Variants in MARCHF1 observed in about 807,000 individuals in gnomAD.
MARCHF1 encodes the protein membrane associated ring-CH-type finger 1, also known as E3 ubiquitin-protein ligase MARCHF1.
Under a neutral mutation model 54.2 loss-of-function variants are expected in MARCHF1, and 40 were observed. The observed-to-expected ratio is 0.74, with a 90% CI of 0.57 to 0.96. MARCHF1 has a LOEUF of 0.96. Ranked by LOEUF, MARCHF1 falls within the 40% of genes least tolerant of loss-of-function variation. The probability of loss-of-function intolerance (pLI) is 0.00; values close to 1 mark genes in which losing one functional copy is unlikely to be tolerated. For missense variants in MARCHF1, 586 were observed against 656.5 expected (o/e 0.89, Z 1.17); for synonymous variants, 236 against 236.3 (o/e 1.00, Z 0.01).
chr4:163,678,376 T>G (rs1269795595), intron 5 of MARCHF1, among the ~76,000 whole-genome samples: 1 of 152,238 alleles, frequency 6.6e-6, no homozygotes, highest in Non-Finnish European at 1.5e-5. Flanking sequence ...TAGCTTCCAT[T>G]TCATTAGAGG....
chr4:163,611,609 T>TTGAAAATATA (rs1260113784), intron 7 of MARCHF1, among the ~76,000 whole-genome samples: 1 of 152,106 alleles, frequency 6.6e-6, no homozygotes, highest in African/African-American at 2.4e-5. Flanking sequence ...TAAGGTTATT[T>TTGAAAATATA]TGAAAATATA....
intron 4 of MARCHF1, among the ~76,000 whole-genome samples, chr4:163,763,052 T>C (rs973097263): frequency 2.0e-5 from 3 of 152,124 alleles, no homozygotes; most frequent in Non-Finnish European, 4.4e-5. Flanking sequence ...TTACTTTTTA[T>C]ACGTGTAGTA....
At chr4:163,755,269 T>C (rs1295575552) in intron 4 of MARCHF1, among the ~76,000 whole-genome samples, 1 of 152,182 alleles carries the variant, frequency 6.6e-6, no homozygotes, top group African/African-American at 2.4e-5. Context: ...ACAGGGAGAT[T>C]GCTGCCCCCT....
chr4:163,968,860 G>T (rs767104424), intron 3 of MARCHF1, among the ~76,000 whole-genome samples: 3 of 152,094 alleles, frequency 2.0e-5, no homozygotes, highest in Admixed American at 6.6e-5. Context: ...CTCAGAAATT[G>T]TTTATCCAAA....
intron 8 of MARCHF1, among the ~76,000 whole-genome samples, chr4:163,580,722 A>G (rs1057416918): frequency 6.6e-6 from 1 of 152,198 alleles, no homozygotes; most frequent in South Asian, 2.1e-4. Context: ...AAGAAAGAAG[A>G]CTTCAGAAAA....
chr4:164,234,285 CTT>C (rs1457953322), intron 1 of MARCHF1, among the ~76,000 whole-genome samples: 3 of 152,072 alleles, frequency 2.0e-5, no homozygotes, highest in African/African-American at 7.2e-5. Flanking sequence ...GGCTTATAGA[CTT>C]ATGTATGATA....
chr4:163,940,696 A>G (rs913718121), intron 3 of MARCHF1, among the ~76,000 whole-genome samples: 6 of 152,150 alleles, frequency 3.9e-5, no homozygotes, highest in African/African-American at 1.4e-4. Flanking sequence ...TAGTAAAATT[A>G]TAAACTAAAT....
chr4:164,224,143 C>G lies in MARCHF1; in HGVS notation c.-322-112481G>C, dbSNP rs781374476. 4.0e-5 allele frequency among the ~76,000 whole-genome samples: 6 copies of G among 151,348 alleles called. No homozygotes were observed. The East Asian group carries it at 1.2e-3, about 29-fold the overall frequency. ...CTTTGAATGAGGTCCAACACAAATT[C>G]GTATTAGGCCGCATTCATATTTTAC... On this transcript the variant is annotated intron_variant, in intron 1 of 9. Coordinates refer to ENST00000514618, the MANE Select transcript of MARCHF1 (RefSeq NM_001394959.1).
chr4:164,247,944 G>T (rs1560972991), intron 1 of MARCHF1, among the ~76,000 whole-genome samples: 1 of 151,228 alleles, frequency 6.6e-6, no homozygotes, highest in Non-Finnish European at 1.5e-5. Flanking sequence ...GGGAATGTGA[G>T]ATGTTTTTAC....
intron 4 of MARCHF1, among the ~76,000 whole-genome samples, chr4:163,720,809 T>C (rs576567763): frequency 3.7e-4 from 56 of 152,322 alleles, no homozygotes; most frequent in African/African-American, 1.3e-3. Flanking sequence ...GGGAGTTCAC[T>C]CATGATTTGG....
chr4:164,035,784 A>C (rs565067228), intron 2 of MARCHF1, among the ~76,000 whole-genome samples: 2 of 152,002 alleles, frequency 1.3e-5, no homozygotes, highest in South Asian at 4.2e-4. Context: ...AACCAGATCT[A>C]ATTAATAGTA....
intron 8 of MARCHF1, among the ~76,000 whole-genome samples, chr4:163,550,281 CAAAA>C (rs60320461): frequency 7.6e-5 from 8 of 105,106 alleles, no homozygotes; most frequent in South Asian, 3.2e-4. Flanking sequence ...GACTCCGTCT[CAAAA>C]AAAAAAAAAA....
At chr4:164,280,280 T>C (rs947856102) in intron 1 of MARCHF1, among the ~76,000 whole-genome samples, 1 of 152,000 alleles carries the variant, frequency 6.6e-6, no homozygotes, top group Non-Finnish European at 1.5e-5. Context: ...AAAGCAGAAC[T>C]GAAATGTCAA....
intron 8 of MARCHF1, among the ~76,000 whole-genome samples, chr4:163,550,399 C>T (rs1739069407): frequency 1.3e-5 from 2 of 151,958 alleles, no homozygotes; most frequent in South Asian, 4.1e-4. Context: ...CTATGGTTTC[C>T]AGCTTCCGTA....
chr4:163,954,640 T>G (rs997113841), intron 3 of MARCHF1, among the ~76,000 whole-genome samples: 5 of 152,334 alleles, frequency 3.3e-5, no homozygotes, highest in Admixed American at 1.3e-4. Context: ...TACTTCTTCA[T>G]AAAATTTTAA....
At chr4:163,608,484 C>A (rs978672774) in intron 7 of MARCHF1, among the ~76,000 whole-genome samples, 1 of 151,924 alleles carries the variant, frequency 6.6e-6, no homozygotes, top group Non-Finnish European at 1.5e-5. Context: ...CCAGTGAGGG[C>A]GATTTACAGG....
chr4:163,706,746 A>G (rs1452911770), intron 4 of MARCHF1, among the ~76,000 whole-genome samples: 1 of 151,994 alleles, frequency 6.6e-6, no homozygotes, highest in Non-Finnish European at 1.5e-5. Flanking sequence ...GAAAGGAGGT[A>G]GATAAAATGA....
At chr4:164,061,567 A>T (rs1194739032) in intron 2 of MARCHF1, among the ~76,000 whole-genome samples, 1 of 148,534 alleles carries the variant, frequency 6.7e-6, no homozygotes, top group African/African-American at 2.5e-5. Context: ...GCATTAGGAG[A>T]TATACCTAAT....
chr4:163,930,024 A>G (rs1391709720), intron 3 of MARCHF1, among the ~76,000 whole-genome samples: 2 of 136,666 alleles, frequency 1.5e-5, no homozygotes, highest in Non-Finnish European at 3.1e-5. Context: ...TATATATACT[A>G]TATTATATAT....
Sources: allele counts gnomAD v4.1 joint callset (sites outside exome capture counted in the v4.1 genomes callset), GRCh38; gene constraint gnomAD v4.1.1; transcripts MANE v1.5; gene names NCBI Gene and HGNC (gene_info 2026-07-23, HGNC 2026-07-21).